The following ADARB2 variants were observed in gnomAD, a reference collection of about 807,000 sequenced individuals.
ADARB2 encodes the protein adenosine deaminase RNA specific B2 (inactive).
In ADARB2, 25 loss-of-function variants were observed where a neutral mutation model predicts 62.2. That is an observed-to-expected ratio of 0.40 (90% CI 0.29 to 0.56). The LOEUF (loss-of-function observed/expected upper bound fraction) is 0.56. Among genes scored for constraint, ADARB2 ranks in the 20% least tolerant of loss-of-function variants. The pLI, the probability that ADARB2 is intolerant of heterozygous loss-of-function variation, is 0.43. For missense variants in ADARB2, 1,071 were observed against 1,077.4 expected (o/e 0.99, Z 0.08); for synonymous variants, 572 against 500.8 (o/e 1.14, Z -1.90).
chr10:1,480,851 A>ATGATTGGAAG (rs1433275786), intron 1 of ADARB2, among the ~76,000 whole-genome samples: 2 of 152,244 alleles, frequency 1.3e-5, no homozygotes, highest in African/African-American at 4.8e-5. Flanking sequence ...AAGACATCTT[A>ATGATTGGAAG]TGATTGGAAG....
chr10:1,530,468 T>G (rs59259273), intron 1 of ADARB2, among the ~76,000 whole-genome samples: 8,941 of 152,238 alleles, frequency 0.059, 838 homozygotes, highest in African/African-American at 0.2. Flanking sequence ...TCTCACTGAA[T>G]TCTCTCTCTG....
intron 1 of ADARB2, among the ~76,000 whole-genome samples, chr10:1,401,165 C>T (rs766744219): frequency 9.2e-5 from 14 of 152,326 alleles, no homozygotes; most frequent in African/African-American, 3.4e-4. Context: ...TCACCCTCCC[C>T]ACCTCCCGGA....
At chr10:1,476,131 AAGG>A (rs933858814) in intron 1 of ADARB2, among the ~76,000 whole-genome samples, 4 of 152,160 alleles carry the variant, frequency 2.6e-5, no homozygotes, top group East Asian at 1.9e-4. Flanking sequence ...GGGGTGAGAG[AAGG>A]AGAAGGAGAG....
chr10:1,439,519 T>C (rs1830876787), intron 1 of ADARB2, among the ~76,000 whole-genome samples: 1 of 124,902 alleles, frequency 8.0e-6, no homozygotes, highest in African/African-American at 2.9e-5. Context: ...AGGCAGGCCC[T>C]TCACGATGGG....
At chr10:1,653,556 A>G (rs10903537) in intron 1 of ADARB2, among the ~76,000 whole-genome samples, 85,702 of 134,118 alleles carry the variant, frequency 0.64, 26,178 homozygotes, top group East Asian at 0.73. Flanking sequence ...CTGCAGAGCC[A>G]CAGTCTCCAC....
At chr10:1,720,002 C>A (rs143615541) in intron 1 of ADARB2, among the ~76,000 whole-genome samples, 12 of 152,324 alleles carry the variant, frequency 7.9e-5, no homozygotes, top group African/African-American at 2.4e-4. Flanking sequence ...ACCATTCAAC[C>A]CAGCAGTCAC....
intron 1 of ADARB2, among the ~76,000 whole-genome samples, chr10:1,530,550 T>C (rs1832218940): frequency 6.6e-6 from 1 of 152,206 alleles, no homozygotes; most frequent in Non-Finnish European, 1.5e-5. Context: ...TGCGGCCTGC[T>C]CTTCATGCGG....
At chr10:1,655,000 G>A (rs1411283548) in intron 1 of ADARB2, among the ~76,000 whole-genome samples, 1 of 152,240 alleles carries the variant, frequency 6.6e-6, no homozygotes, top group African/African-American at 2.4e-5. Context: ...ACAGCAGGCA[G>A]GCGTGAGGGT....
chr10:1,220,353 T>TGATG (rs1225848363), intron 6 of ADARB2, among the ~76,000 whole-genome samples: 6 of 136,336 alleles, frequency 4.4e-5, no homozygotes, highest in Non-Finnish European at 9.7e-5. Flanking sequence ...GTGATTGTGG[T>TGATG]GATGATGGTG....
At chr10:1,524,474 C>T (rs992224540) in intron 1 of ADARB2, among the ~76,000 whole-genome samples, 3 of 152,208 alleles carry the variant, frequency 2.0e-5, no homozygotes, top group African/African-American at 4.8e-5. Context: ...ACAAGTTCCT[C>T]CAACCAGACT....
At chr10:1,454,357 C>T (rs57897966) in intron 1 of ADARB2, among the ~76,000 whole-genome samples, 24,085 of 152,040 alleles carry the variant, frequency 0.16, 2,233 homozygotes, top group East Asian at 0.35. Context: ...ATAGACCCAA[C>T]GAAATTGAAA....
chr10:1,232,502 G>A (rs1830816114), intron 6 of ADARB2, among the ~76,000 whole-genome samples: 1 of 83,630 alleles, frequency 1.2e-5, no homozygotes, highest in Non-Finnish European at 3.2e-5. Flanking sequence ...CTATGCATGT[G>A]TATGTGGTAT....
At chr10:1,466,680 C>A (rs1831259585) in intron 1 of ADARB2, among the ~76,000 whole-genome samples, 1 of 152,088 alleles carries the variant, frequency 6.6e-6, no homozygotes, top group African/African-American at 2.4e-5. Flanking sequence ...GGGACTAATT[C>A]CCACCCTTGG....
intron 3 of ADARB2, among the ~76,000 whole-genome samples, chr10:1,297,541 C>T (rs146710828): frequency 4.5e-4 from 69 of 152,316 alleles, no homozygotes; most frequent in Middle Eastern, 6.8e-3. Flanking sequence ...GAAGAGCCCT[C>T]TGACCCAGAG....
chr10:1,720,220 T>C (rs1345101535), intron 1 of ADARB2, among the ~76,000 whole-genome samples: 2 of 152,208 alleles, frequency 1.3e-5, no homozygotes, highest in African/African-American at 4.8e-5. Context: ...TCATGTTCTT[T>C]GCAGCAACAT....
intron 1 of ADARB2, among the ~76,000 whole-genome samples, chr10:1,419,927 ACAT>A (rs1440425861): frequency 1.3e-5 from 2 of 152,378 alleles, no homozygotes; most frequent in Non-Finnish European, 2.9e-5. Flanking sequence ...GTCTCTCTGG[ACAT>A]CATCCGAGTG....
In ADARB2 at chr10:1,627,118, G is replaced by T. The variant is rs77280241; in HGVS notation, c.100+109933C>A. On this transcript the variant is annotated intron_variant, in intron 1 of 9. Transcript: ENST00000381312. ...TCAGTCACCCACTCGAACTGGAGCCGGGCCCTCGGGTGAATCGTTAGCTCC... is the reference window on the plus strand; with the variant it reads ...TCAGTCACCCACTCGAACTGGAGCCTGGCCCTCGGGTGAATCGTTAGCTCC... 3.0e-3 allele frequency among the ~76,000 whole-genome samples: 452 copies of T among 152,118 alleles called. 1 individual carries two copies. The highest frequency in any genetic ancestry group is 4.7e-3 in the Non-Finnish European group (317 of 67,998).
chr10:1,589,810 A>G (rs1833228826), intron 1 of ADARB2, among the ~76,000 whole-genome samples: 2 of 152,178 alleles, frequency 1.3e-5, no homozygotes, highest in Non-Finnish European at 2.9e-5. Flanking sequence ...AGTAGCTGGG[A>G]TTACAGGTGC....
chr10:1,340,191 G>A (rs61833565), intron 3 of ADARB2, among the ~76,000 whole-genome samples: 629 of 41,656 alleles, frequency 0.015, 3 homozygotes, highest in Middle Eastern at 0.038. Flanking sequence ...GGCAATAACC[G>A]GCATCCACCA....
Sources: allele counts gnomAD v4.1 joint callset (sites outside exome capture counted in the v4.1 genomes callset), GRCh38; gene constraint gnomAD v4.1.1; transcripts MANE v1.5; gene names NCBI Gene and HGNC (gene_info 2026-07-23, HGNC 2026-07-21).